Variants in TPTE observed in about 807,000 individuals in gnomAD.
TPTE encodes the protein transmembrane phosphatase with tensin homology.
In TPTE, 59 loss-of-function variants were observed where a neutral mutation model predicts 84.1. That is an observed-to-expected ratio of 0.70 (90% CI 0.57 to 0.87). The LOEUF (loss-of-function observed/expected upper bound fraction) is 0.87, where lower values mean the gene tolerates loss of function less well. Ranked by LOEUF, TPTE falls within the 40% of genes least tolerant of loss-of-function variation. The probability of loss-of-function intolerance (pLI) is 0.00; values close to 1 mark genes in which losing one functional copy is unlikely to be tolerated. For synonymous variants in TPTE, 130 were observed against 223.5 expected (o/e 0.58, Z 3.73); for missense variants, 382 against 659.6 (o/e 0.58, Z 4.61).
chr21:10,558,338 A>G (rs1044544291), intron 8 of TPTE, among the ~76,000 whole-genome samples: 4 of 152,304 alleles, frequency 2.6e-5, no homozygotes, highest in Admixed American at 1.3e-4. Context: ...AGTACTTTTT[A>G]CAGTGATTGA....
chr21:10,564,986 G>A (rs1308492384), intron 10 of TPTE, among the ~76,000 whole-genome samples: 5 of 152,304 alleles, frequency 3.3e-5, no homozygotes, highest in East Asian at 1.9e-4. Context: ...ACATAGTACC[G>A]GAAGTCCTAG....
At chr21:10,540,046 A>T (rs1478260496) in intron 4 of TPTE, among the ~76,000 whole-genome samples, 6 of 152,298 alleles carry the variant, frequency 3.9e-5, no homozygotes, top group Non-Finnish European at 7.3e-5. Flanking sequence ...AAAAACAAAA[A>T]ACCAAAACAA....
chr21:10,538,501 GCCATCATATAAAT>G (rs1343301884), intron 3 of TPTE, among the ~76,000 whole-genome samples, 167 bp from the exon 4 acceptor site: 2 of 152,300 alleles, frequency 1.3e-5, no homozygotes, highest in Admixed American at 1.3e-4. Context: ...GATGTTGGTT[GCCATCATATAAAT>G]CCTCCTTTTT....
chr21:10,541,202 T>C (rs367731161), intron 5 of TPTE, 37 bp downstream of exon 5: 4 of 1,610,684 alleles, frequency 2.5e-6, no homozygotes, highest in Non-Finnish European at 2.5e-6. Context: ...CCAGGTGCAA[T>C]GGTTCACACC....
chr21:10,538,047 C>T (rs1165087706), intron 3 of TPTE, among the ~76,000 whole-genome samples: 271 of 152,290 alleles, frequency 1.8e-3, no homozygotes, highest in Non-Finnish European at 3.4e-3. Context: ...TTTCAGACTG[C>T]CTATATGTGA....
At chr21:10,594,175 C>T (rs1251404350) in intron 19 of TPTE, among the ~76,000 whole-genome samples, 19 of 152,410 alleles carry the variant, frequency 1.2e-4, no homozygotes, top group African/African-American at 4.6e-4. Context: ...ATCACACATC[C>T]CATACTCCAA....
chr21:10,538,263 G>C (rs567457788), intron 3 of TPTE, among the ~76,000 whole-genome samples: 17 of 152,426 alleles, frequency 1.1e-4, no homozygotes, highest in Non-Finnish European at 2.2e-4. Flanking sequence ...GCTTGACTCA[G>C]ACCTGCAGTT....
chr21:10,573,960 TC>T (rs1470102553), intron 14 of TPTE, among the ~76,000 whole-genome samples: 2 of 152,306 alleles, frequency 1.3e-5, no homozygotes, highest in Non-Finnish European at 2.9e-5. Context: ...ACACTACCAG[TC>T]TGGATTCAAG....
chr21:10,523,757 T>C (rs1600845029), intron 1 of TPTE, among the ~76,000 whole-genome samples: 2 of 152,426 alleles, frequency 1.3e-5, no homozygotes, highest in African/African-American at 4.8e-5. Flanking sequence ...GCAGTAAACA[T>C]ACGTGTGCAT....
intron 21 of TPTE, among the ~76,000 whole-genome samples, chr21:10,599,799 T>TTTAG (rs71217978): frequency 5.4e-3 from 803 of 149,530 alleles, no homozygotes; most frequent in Middle Eastern, 0.028. Context: ...ACAACTCTAA[T>TTTAG]TTAGTTAGTT....
chr21:10,533,236 C>T (rs537960869), intron 3 of TPTE, among the ~76,000 whole-genome samples: 80 of 152,386 alleles, frequency 5.2e-4, no homozygotes, highest in African/African-American at 1.8e-3. Context: ...TACTATTTAT[C>T]CCTCAACAAT....
chr21:10,562,047 C>G (rs1383381636), intron 10 of TPTE, among the ~76,000 whole-genome samples: 4 of 152,400 alleles, frequency 2.6e-5, no homozygotes, highest in Non-Finnish European at 5.9e-5. Flanking sequence ...GAGAGAGAGA[C>G]TCTGTTTGTT....
intron 19 of TPTE, among the ~76,000 whole-genome samples, chr21:10,594,747 C>T (rs1600976577): frequency 6.6e-6 from 1 of 152,306 alleles, no homozygotes; most frequent in East Asian, 1.9e-4. Flanking sequence ...AACTGAATCT[C>T]TTCTGATTCA....
intron 17 of TPTE, among the ~76,000 whole-genome samples, chr21:10,581,103 C>T (rs1350379539): frequency 6.6e-6 from 1 of 152,282 alleles, no homozygotes; most frequent in South Asian, 2.1e-4. Flanking sequence ...AGTTTCAAGC[C>T]CATTAGTTAA....
chr21:10,542,530 C>G, intron 6 of TPTE, 82 bp downstream of exon 6: 2 of 1,308,086 alleles, frequency 1.5e-6, no homozygotes, highest in South Asian at 1.2e-5. Context: ...GCAAGTATAC[C>G]CCATCCATCC....
chr21:10,542,716 A>T (rs1600872135), intron 6 of TPTE, among the ~76,000 whole-genome samples: 1 of 152,414 alleles, frequency 6.6e-6, no homozygotes, highest in African/African-American at 2.4e-5. Flanking sequence ...TGTGGAATTT[A>T]CTCTCAGGAG....
chr21:10,523,131 T>A (rs2074013544), intron 1 of TPTE, among the ~76,000 whole-genome samples: 1 of 152,310 alleles, frequency 6.6e-6, no homozygotes, highest in Non-Finnish European at 1.5e-5. Context: ...TGTAAACTTC[T>A]TCATCAGAGT....
At chr21:10,582,134 T>C (rs1212773957) in intron 17 of TPTE, among the ~76,000 whole-genome samples, 2 of 152,308 alleles carry the variant, frequency 1.3e-5, no homozygotes, top group Non-Finnish European at 2.9e-5. Flanking sequence ...CCCCCTATAC[T>C]GATGTAGTAA....
intron 10 of TPTE, among the ~76,000 whole-genome samples, chr21:10,563,405 AGAG>A (rs2074848046): frequency 6.6e-6 from 1 of 152,280 alleles, no homozygotes; most frequent in Admixed American, 6.5e-5. Context: ...TACTCTAAGT[AGAG>A]AGACTAAACT....
Sources: gnomAD v4.1 joint callset for allele counts (sites outside exome capture counted in the v4.1 genomes callset) on GRCh38, gnomAD v4.1.1 for gene constraint, MANE v1.5 for transcripts, NCBI Gene and HGNC (gene_info 2026-07-23, HGNC 2026-07-21) for gene names.